Variants in FTO observed in about 807,000 individuals in gnomAD.
FTO encodes the protein FTO alpha-ketoglutarate dependent dioxygenase.
In FTO, 47 loss-of-function variants were observed where a neutral mutation model predicts 63.9. The observed-to-expected ratio is 0.74, with a 90% CI of 0.58 to 0.94. The LOEUF (loss-of-function observed/expected upper bound fraction) is 0.94, where lower values mean the gene tolerates loss of function less well. FTO is among the 40% of genes least tolerant of loss of function. FTO has a pLI of 0.00. For synonymous variants in FTO, 207 were observed against 224.4 expected (o/e 0.92, Z 0.69); for missense variants, 562 against 618.1 (o/e 0.91, Z 0.96).
At chr16:53,837,542 A>G (rs190409890) in intron 3 of FTO, among the ~76,000 whole-genome samples, 1 of 152,088 alleles carries the variant, frequency 6.6e-6, no homozygotes, top group Admixed American at 6.5e-5. Flanking sequence ...ACTTTTCTAA[A>G]TTCTCCATTT....
chr16:54,104,706 A>G (rs1382781200), intron 8 of FTO, among the ~76,000 whole-genome samples: 1 of 152,194 alleles, frequency 6.6e-6, no homozygotes, highest in East Asian at 1.9e-4. Context: ...ACTCCTACTC[A>G]GCATTTGGCC....
At position 53,865,987 on chromosome 16, in the gene FTO, G is replaced by GA. The variant is rs1322618588; in HGVS notation, c.896-7795dup. 3.9e-5 allele frequency among the ~76,000 whole-genome samples: 6 copies of GA among 152,262 alleles called. 1 individual carries two copies. In the East Asian group the frequency reaches 1.2e-3, roughly 29 times the overall value. On this transcript the variant is annotated intron_variant, in intron 4 of 8. Transcript: ENST00000471389. ...CCTTGTCTTTTTCTTACTCTGAGCAGAAAAGTTTCTAGTTTCATACCGCTA... is the reference window on the plus strand; with the variant it reads ...CCTTGTCTTTTTCTTACTCTGAGCAGAAAAAGTTTCTAGTTTCATACCGCTA...
chr16:53,771,164 G>A (rs2077326247), intron 1 of FTO, among the ~76,000 whole-genome samples: 1 of 152,142 alleles, frequency 6.6e-6, no homozygotes, highest in African/African-American at 2.4e-5. Flanking sequence ...AAGGTAGAAT[G>A]TGGGGAATCT....
intron 1 of FTO, among the ~76,000 whole-genome samples, chr16:53,750,056 ATAAG>A (rs1473889219): frequency 6.6e-6 from 1 of 152,200 alleles, no homozygotes; most frequent in East Asian, 1.9e-4. Flanking sequence ...AAGTAAAAGA[ATAAG>A]TAGTAAGAAG....
intron 3 of FTO, among the ~76,000 whole-genome samples, chr16:53,840,971 A>G (rs1249596352): frequency 6.6e-6 from 1 of 151,402 alleles, no homozygotes; most frequent in African/African-American, 2.4e-5. Context: ...GTCAAGCTAC[A>G]CACCTTCGTG....
chr16:54,020,874 A>C (rs1337816827), intron 8 of FTO, among the ~76,000 whole-genome samples: 1 of 152,152 alleles, frequency 6.6e-6, no homozygotes, highest in Non-Finnish European at 1.5e-5. Context: ...TGGGAGGCTG[A>C]GCAGGAGAAT....
At chr16:53,960,251 G>C (rs970731360) in intron 8 of FTO, among the ~76,000 whole-genome samples, 7 of 152,182 alleles carry the variant, frequency 4.6e-5, no homozygotes, top group Admixed American at 1.3e-4. Flanking sequence ...ATCACACCCT[G>C]CCAGGGGAAG....
intron 8 of FTO, among the ~76,000 whole-genome samples, chr16:54,012,954 A>G (rs1168188686): frequency 2.0e-5 from 3 of 152,190 alleles, no homozygotes; most frequent in African/African-American, 7.2e-5. Context: ...CACAACACCC[A>G]TTCTACAGCC....
intron 1 of FTO, among the ~76,000 whole-genome samples, chr16:53,725,167 A>G (rs557395020): frequency 6.6e-6 from 1 of 152,092 alleles, no homozygotes; most frequent in African/African-American, 2.4e-5. Flanking sequence ...ACTTTCTTTT[A>G]TCTTTCCTGT....
At chr16:54,056,556 T>A (rs772678521) in intron 8 of FTO, among the ~76,000 whole-genome samples, 6 of 152,228 alleles carry the variant, frequency 3.9e-5, no homozygotes, top group Non-Finnish European at 8.8e-5. Context: ...TGGCCACTTA[T>A]GATCTCTTTC....
chr16:53,984,361 C>T (rs1178506377), intron 8 of FTO, among the ~76,000 whole-genome samples: 8 of 117,492 alleles, frequency 6.8e-5, no homozygotes, highest in Admixed American at 3.4e-4. Context: ...CTCACTCTCT[C>T]GCCCAGGCTG....
At chr16:53,752,891 G>A (rs2076832212) in intron 1 of FTO, among the ~76,000 whole-genome samples, 1 of 148,996 alleles carries the variant, frequency 6.7e-6, no homozygotes, top group Admixed American at 6.7e-5. Context: ...TATAAAGGGT[G>A]TACAATTTAC....
chr16:53,741,152 T>C (rs1359647541), intron 1 of FTO, among the ~76,000 whole-genome samples: 1 of 152,256 alleles, frequency 6.6e-6, no homozygotes, highest in Admixed American at 6.5e-5. Context: ...ATTTACATAT[T>C]ATCTAGACTG....
rs1283292505 is a variant in FTO, at chr16:54,116,355, A to G, written c.*4440A>G. The G allele has an allele frequency of 6.6e-6, 1 of 152,080 alleles. No homozygotes were observed. 9.4% of individuals were successfully genotyped at this position (152,080 alleles called of 1,614,324 possible). A position where few individuals can be genotyped will look rare whatever the true frequency, so the allele number is the denominator to read the frequency against. ...AGGCAAGCACATGGAAGACAAGGGG[A>G]TTCTGGTTTGAAAAGGCAATTCTCA... On this transcript the variant is annotated 3_prime_UTR_variant, in exon 9 of 9. Coordinates refer to ENST00000471389, the MANE Select transcript of FTO (RefSeq NM_001080432.3).
intron 8 of FTO, among the ~76,000 whole-genome samples, chr16:53,939,244 CTA>C (rs2082466440): frequency 6.6e-6 from 1 of 152,184 alleles, no homozygotes; most frequent in East Asian, 1.9e-4. Context: ...GCTTGACTAT[CTA>C]TGTCTGGGGG....
chr16:53,709,765 A>G (rs957483739), intron 1 of FTO, among the ~76,000 whole-genome samples: 4 of 152,202 alleles, frequency 2.6e-5, no homozygotes, highest in African/African-American at 7.2e-5. Context: ...TTCTCGCCAT[A>G]TATATCCACA....
At chr16:54,073,047 A>G (rs1214653033) in intron 8 of FTO, among the ~76,000 whole-genome samples, 2 of 152,218 alleles carry the variant, frequency 1.3e-5, no homozygotes, top group Non-Finnish European at 1.5e-5. Flanking sequence ...GATATGCGAA[A>G]TCAAGTGAGT....
chr16:53,786,636 CTG>C (rs926262241), intron 1 of FTO, among the ~76,000 whole-genome samples: 1 of 152,188 alleles, frequency 6.6e-6, no homozygotes, highest in Non-Finnish European at 1.5e-5. Flanking sequence ...TGGATAGTCT[CTG>C]TTACTCTAAA....
At chr16:53,704,958 T>C (rs572170847) in intron 1 of FTO, among the ~76,000 whole-genome samples, 3 of 152,152 alleles carry the variant, frequency 2.0e-5, no homozygotes, top group African/African-American at 7.2e-5. Flanking sequence ...TGTTTTCCTT[T>C]CTCTCATTCC....
Sources: allele counts gnomAD v4.1 joint callset (sites outside exome capture counted in the v4.1 genomes callset), GRCh38; gene constraint gnomAD v4.1.1; transcripts MANE v1.5; gene names NCBI Gene and HGNC (gene_info 2026-07-23, HGNC 2026-07-21).